ALMS1: variants seen among roughly 807,000 people sequenced by gnomAD.
ALMS1 encodes ALMS1 centrosome and basal body associated protein, also known as centrosome-associated protein ALMS1.
ALMS1 carries 271 observed loss-of-function variants against 352.2 expected under a neutral mutation model. The observed-to-expected ratio is 0.77, with a 90% CI of 0.70 to 0.85. The LOEUF (loss-of-function observed/expected upper bound fraction) is 0.85, where lower values mean the gene tolerates loss of function less well. Ranked by LOEUF, ALMS1 falls within the 40% of genes least tolerant of loss-of-function variation. ALMS1 has a pLI of 0.00. For missense variants in ALMS1, 5,445 were observed against 4,870.7 expected (o/e 1.12, Z -3.51); for synonymous variants, 1,865 against 1,761.2 (o/e 1.06, Z -1.48).
chr2:73,448,459 G>A lies in ALMS1; in HGVS notation c.1932G>A (p.Glu644=), dbSNP rs1356481534. Reference sequence around the variant, plus strand: ...TACCAGAGAGTAACTTAACCGAAGAGCCTTTGGAAGTTTCAGCTGCTCCTG... The same window carrying A: ...TACCAGAGAGTAACTTAACCGAAGAACCTTTGGAAGTTTCAGCTGCTCCTG... ...QELPESNLTE[E]PLEVSAAPGP... Residue 644 remains glutamate, a synonymous_variant, in exon 8 of 23, where the codon GAG becomes GAA. Coordinates refer to ENST00000613296, the MANE Select transcript of ALMS1 (RefSeq NM_001378454.1). The A allele has an allele frequency of 1.2e-6, 2 of 1,613,800 alleles. No homozygotes were observed. The highest frequency in any genetic ancestry group is 2.7e-5 in the African/African-American group (2 of 74,860).
chr2:73,502,378 T>A (rs1035880388), intron 10 of ALMS1, among the ~76,000 whole-genome samples: 1 of 152,100 alleles, frequency 6.6e-6, no homozygotes, highest in African/African-American at 2.4e-5. Flanking sequence ...TACTCCTTCC[T>A]TTGCAGTTCT....
chr2:73,471,726 G>T (rs1672472617), intron 9 of ALMS1, among the ~76,000 whole-genome samples: 1 of 151,918 alleles, frequency 6.6e-6, no homozygotes, highest in South Asian at 2.1e-4. Context: ...ACAAGTGTTG[G>T]AGAGGATGTG....
chr2:73,554,895 G>A (rs992459719), intron 13 of ALMS1, among the ~76,000 whole-genome samples: 1 of 152,056 alleles, frequency 6.6e-6, no homozygotes, highest in African/African-American at 2.4e-5. Context: ...AAAGCAATAT[G>A]GTACTTAGAA....
chr2:73,488,989 AC>A (rs565089837), intron 9 of ALMS1, among the ~76,000 whole-genome samples: 20 of 152,140 alleles, frequency 1.3e-4, no homozygotes, highest in Non-Finnish European at 2.4e-4. Context: ...TTATTTTTTC[AC>A]GTCATTGTTC....
chr2:73,483,000 T>C (rs1165721451), intron 9 of ALMS1, among the ~76,000 whole-genome samples: 2 of 152,256 alleles, frequency 1.3e-5, no homozygotes, highest in Non-Finnish European at 2.9e-5. Flanking sequence ...TAGCAGTCTT[T>C]TGTTGATCCT....
intron 2 of ALMS1, among the ~76,000 whole-genome samples, chr2:73,418,505 A>G (rs1671221383): frequency 6.6e-6 from 1 of 152,202 alleles, no homozygotes; most frequent in Non-Finnish European, 1.5e-5. Context: ...GTGGCTCAAC[A>G]GCTTTGGCTG....
chr2:73,488,169 A>T (rs551604984), intron 9 of ALMS1, among the ~76,000 whole-genome samples: 1 of 152,022 alleles, frequency 6.6e-6, no homozygotes, highest in Admixed American at 6.5e-5. Flanking sequence ...TACGGTACCC[A>T]TGGCACACCC....
At chr2:73,391,018 G>C (rs1405414433) in intron 1 of ALMS1, among the ~76,000 whole-genome samples, 1 of 151,736 alleles carries the variant, frequency 6.6e-6, no homozygotes, top group Non-Finnish European at 1.5e-5. Context: ...TTATCCACCC[G>C]CCTCGGCCTC....
chr2:73,590,639 C>G (rs534542411), intron 16 of ALMS1, among the ~76,000 whole-genome samples: 3 of 150,478 alleles, frequency 2.0e-5, no homozygotes, highest in Non-Finnish European at 3.0e-5. Context: ...TATTTGGAGA[C>G]CACTGTAGTT....
At chr2:73,571,862 G>C (rs1674935287) in intron 15 of ALMS1, among the ~76,000 whole-genome samples, 1 of 151,974 alleles carries the variant, frequency 6.6e-6, no homozygotes, top group Admixed American at 6.6e-5. Context: ...TTTCTTAGCT[G>C]AATATGGGGT....
At chr2:73,561,707 G>A (rs7608308) in intron 15 of ALMS1, among the ~76,000 whole-genome samples, 19,038 of 146,864 alleles carry the variant, frequency 0.13, 1,314 homozygotes, top group East Asian at 0.22. Flanking sequence ...AATGGCTAAG[G>A]TGGTTAATTT....
rs2103774913 is a variant in ALMS1, at chr2:73,448,886, G to T, written c.2359G>T (p.Gly787Cys). Residue 787 changes from glycine to cysteine, a missense_variant, in exon 8 of 23, where the codon GGT (glycine) becomes TGT (cysteine). Physicochemically the swap from Gly to Cys is radical, Grantham distance 159 (BLOSUM62 -3). Coordinates refer to ENST00000613296, the MANE Select transcript of ALMS1 (RefSeq NM_001378454.1). ...AGCAGACAGTCATCTACCTGAAGAG[G>T]GTCTGAAAGTTTCAGCTGTTGCTGG... is the stretch of plus-strand genomic sequence containing the variant. The part of the protein sequence containing the change: ...DLADSHLPEE[G>C]LKVSAVAGPA... The T allele has an allele frequency of 1.9e-6, 3 of 1,613,780 alleles. No homozygotes were observed. The highest frequency in any genetic ancestry group is 2.5e-6 in the Non-Finnish European group (3 of 1,179,904).
intron 15 of ALMS1, among the ~76,000 whole-genome samples, chr2:73,569,077 C>T (rs370784758): frequency 1.1e-4 from 14 of 125,564 alleles, no homozygotes; most frequent in African/African-American, 2.8e-4. Context: ...TGCAGTGGCA[C>T]GGTCTTGACT....
At position 73,491,003 on chromosome 2, in the gene ALMS1, A is replaced by G. The variant is rs748798205; in HGVS notation, c.9044A>G (p.Lys3015Arg). ...ATTTCTAATATAAATGTTGAAGCCA[A>G]GTTCAATACTGTGGTCTCCCAGTCA... ...SHISNINVEA[K>R]FNTVVSQSAP... The change falls in exon 10 of 23, where the codon AAG becomes AGG. Residue 3015 changes from lysine (K) to arginine (R), a missense_variant. Physicochemically the swap from Lys to Arg is conservative, Grantham distance 26 (BLOSUM62 2). Transcript: ENST00000613296. 1.2e-6 allele frequency: 2 copies of G among 1,614,240 alleles called. No individual in the cohort carries two copies. Among genetic ancestry groups the G allele is most frequent in the South Asian group, 1.1e-5 (1 of 91,080 alleles).
chr2:73,563,383 A>G (rs1674706360), intron 15 of ALMS1, among the ~76,000 whole-genome samples: 1 of 152,172 alleles, frequency 6.6e-6, no homozygotes, highest in Non-Finnish European at 1.5e-5. Flanking sequence ...TCATAAAACG[A>G]AAACCAGGAG....
intron 9 of ALMS1, among the ~76,000 whole-genome samples, chr2:73,486,079 G>T (rs575032389): frequency 5.3e-5 from 8 of 152,000 alleles, no homozygotes; most frequent in African/African-American, 1.4e-4. Flanking sequence ...GTTCCTATTC[G>T]GCCATCTTGG....
intron 16 of ALMS1, among the ~76,000 whole-genome samples, chr2:73,594,081 T>C (rs1558708011): frequency 6.6e-6 from 1 of 152,240 alleles, no homozygotes; most frequent in Non-Finnish European, 1.5e-5. Context: ...TCATTTCTCT[T>C]GGGTATATAC....
At chr2:73,467,216 G>A (rs1258168194) in intron 9 of ALMS1, among the ~76,000 whole-genome samples, 1 of 152,106 alleles carries the variant, frequency 6.6e-6, no homozygotes, top group African/African-American at 2.4e-5. Flanking sequence ...CACAGTGGAA[G>A]AGGGTATTTC....
intron 7 of ALMS1, 124 bp downstream of exon 7, chr2:73,432,415 GT>G: frequency 1.5e-6 from 1 of 682,082 alleles, no homozygotes; most frequent in South Asian, 1.7e-5. Context: ...GATTAGATGT[GT>G]TTATAAATCC....
Sources: allele counts gnomAD v4.1 joint callset (sites outside exome capture counted in the v4.1 genomes callset), GRCh38; gene constraint gnomAD v4.1.1; transcripts MANE v1.5; gene names NCBI Gene and HGNC (gene_info 2026-07-23, HGNC 2026-07-21).